Variants in KPNA1 observed in about 807,000 individuals in gnomAD.
KPNA1 encodes importin subunit alpha-5.
KPNA1 carries 10 observed loss-of-function variants against 70.5 expected under a neutral mutation model. The ratio of observed to expected loss-of-function variants is 0.14; its 90% CI spans 0.09 to 0.24. The LOEUF is 0.24. Among genes scored for constraint, KPNA1 ranks in the 10% least tolerant of loss-of-function variants. The pLI is 1.00. For synonymous variants in KPNA1, 192 were observed against 221.9 expected (o/e 0.87, Z 1.20); for missense variants, 397 against 637.9 (o/e 0.62, Z 4.07).
intron 1 of KPNA1, among the ~76,000 whole-genome samples, chr3:122,499,299 CATG>C (rs1219684955): frequency 6.6e-6 from 1 of 152,214 alleles, no homozygotes; most frequent in Non-Finnish European, 1.5e-5. Context: ...TTACATTAAG[CATG>C]ATGTTACCTT....
At chr3:122,491,850 A>ATTTTT (rs67916227) in intron 2 of KPNA1, among the ~76,000 whole-genome samples, 10 of 64,896 alleles carry the variant, frequency 1.5e-4, no homozygotes, top group Admixed American at 2.7e-4. Flanking sequence ...TGACCATCAC[A>ATTTTT]TTTTTTTTTT....
At chr3:122,431,264 C>T (rs1408012409) in intron 12 of KPNA1, among the ~76,000 whole-genome samples, 1 of 152,134 alleles carries the variant, frequency 6.6e-6, no homozygotes, top group Non-Finnish European at 1.5e-5. Flanking sequence ...CTCCTGGGTT[C>T]AAGCCATTTT....
Position 122,426,004 on chromosome 3 carries a change from G to A in KPNA1, c.*981C>T, listed in dbSNP as rs2075818574. 6.6e-6 allele frequency: 1 copy of A among 152,524 alleles called. No homozygotes were observed. The highest frequency in any genetic ancestry group is 1.5e-5 in the Non-Finnish European group (1 of 68,022). The allele number at this position is 152,524 out of a possible 1,614,324, so 9.4% of individuals were successfully genotyped here. The stretch of plus-strand genomic sequence containing the variant: ...AGGGTGAACTCCAATTTTTTAATGA[G>A]GACCTTGATCAGGACCACAAAGCCT... On this transcript the variant is annotated 3_prime_UTR_variant, in exon 14 of 14. Coordinates refer to ENST00000344337, the MANE Select transcript of KPNA1 (RefSeq NM_002264.4).
chr3:122,443,563 T>C (rs982703301), intron 9 of KPNA1, among the ~76,000 whole-genome samples: 4 of 152,130 alleles, frequency 2.6e-5, no homozygotes, highest in African/African-American at 9.7e-5. Flanking sequence ...TATTTCAATG[T>C]AGGTTCTTTT....
At chr3:122,509,732 A>T (rs2076935346) in intron 1 of KPNA1, among the ~76,000 whole-genome samples, 1 of 152,196 alleles carries the variant, frequency 6.6e-6, no homozygotes, top group South Asian at 2.1e-4. Context: ...GGGCTCAGAA[A>T]TTTAAGATAA....
intron 2 of KPNA1, among the ~76,000 whole-genome samples, chr3:122,495,271 A>AAAAAAAAAAAAAG (rs1384074366): frequency 7.3e-5 from 11 of 151,418 alleles, no homozygotes; most frequent in Non-Finnish European, 1.3e-4. Context: ...CCAAAAAAAA[A>AAAAAAAAAAAAAG]AAAAGAAAAG....
At chr3:122,506,023 G>T (rs182792604) in intron 1 of KPNA1, among the ~76,000 whole-genome samples, 8 of 152,232 alleles carry the variant, frequency 5.3e-5, no homozygotes, top group Non-Finnish European at 8.8e-5. Flanking sequence ...AAACTTCTTG[G>T]TCCTGCAAGA....
intron 2 of KPNA1, among the ~76,000 whole-genome samples, chr3:122,491,551 T>C (rs1361199891): frequency 1.3e-5 from 2 of 152,124 alleles, no homozygotes; most frequent in Non-Finnish European, 2.9e-5. Context: ...GCACAAACAC[T>C]GGTTTGATAA....
At chr3:122,510,420 T>G (rs1405593440) in intron 1 of KPNA1, among the ~76,000 whole-genome samples, 1 of 152,046 alleles carries the variant, frequency 6.6e-6, no homozygotes, top group African/African-American at 2.4e-5. Context: ...TCTCAGGAAA[T>G]GAAGCAAACA....
intron 5 of KPNA1, among the ~76,000 whole-genome samples, chr3:122,457,177 T>C (rs956547192): frequency 2.0e-5 from 3 of 152,244 alleles, no homozygotes; most frequent in African/African-American, 7.2e-5. Flanking sequence ...TCATAGTCTG[T>C]ACTTTAAAGC....
chr3:122,484,399 G>A (rs1173480936), intron 2 of KPNA1, among the ~76,000 whole-genome samples: 1 of 152,034 alleles, frequency 6.6e-6, no homozygotes, highest in Non-Finnish European at 1.5e-5. Context: ...AGTGGCTCAC[G>A]CCTGTAATTC....
At chr3:122,439,932 A>T (rs1400262852) in intron 10 of KPNA1, among the ~76,000 whole-genome samples, 1 of 152,182 alleles carries the variant, frequency 6.6e-6, no homozygotes, top group Admixed American at 6.5e-5. Context: ...AAAAATAAAA[A>T]CTTGGAACTT....
chr3:122,473,092 TAA>T (rs1169731677), intron 2 of KPNA1, among the ~76,000 whole-genome samples: 1 of 151,718 alleles, frequency 6.6e-6, no homozygotes, highest in Non-Finnish European at 1.5e-5. Flanking sequence ...AAAATAAAAA[TAA>T]AAAAAGAATA....
chr3:122,481,310 T>C (rs1344524041), intron 2 of KPNA1, among the ~76,000 whole-genome samples: 2 of 152,204 alleles, frequency 1.3e-5, no homozygotes, highest in Non-Finnish European at 2.9e-5. Flanking sequence ...CAAAAAGTGG[T>C]ATATCTGCAC....
At chr3:122,500,986 A>G (rs1409628739) in intron 1 of KPNA1, among the ~76,000 whole-genome samples, 1 of 149,774 alleles carries the variant, frequency 6.7e-6, no homozygotes, top group Non-Finnish European at 1.5e-5. Flanking sequence ...TAAAGTGGAA[A>G]GTTAGGTTAC....
chr3:122,483,870 T>C (rs1036953267), intron 2 of KPNA1, among the ~76,000 whole-genome samples: 16 of 152,202 alleles, frequency 1.1e-4, no homozygotes, highest in African/African-American at 2.9e-4. Context: ...GGATTAGTTT[T>C]TATATCCTAC....
Position 122,437,276 on chromosome 3 carries a change from G to C in KPNA1, c.1016C>G (p.Ala339Gly). Reference sequence around the variant, plus strand: ...CAGCAAATGCAATAAACTCTGCAGAGCTGAGCAATTCAGAATTACCTAAAA... The same window carrying C: ...CAGCAAATGCAATAAACTCTGCAGACCTGAGCAATTCAGAATTACCTAAAA... ...IQTQVILNCSALQSLLHLLSS... is the reference protein window; with the variant it reads ...IQTQVILNCSGLQSLLHLLSS... The change falls in exon 11 of 14, where the codon GCT becomes GGT. Residue 339 changes from alanine to glycine, a missense_variant. Coordinates refer to ENST00000344337, the MANE Select transcript of KPNA1 (RefSeq NM_002264.4). 3 of 1,608,356 alleles carry C rather than the reference G, an allele frequency of 1.9e-6. No individual in the cohort carries two copies. The highest frequency in any genetic ancestry group is 2.5e-6 in the Non-Finnish European group (3 of 1,177,978).
intron 2 of KPNA1, among the ~76,000 whole-genome samples, chr3:122,477,207 G>T (rs2076511943): frequency 6.6e-6 from 1 of 152,158 alleles, no homozygotes; most frequent in South Asian, 2.1e-4. Flanking sequence ...CTTTTATGTG[G>T]AATCTAAAAA....
intron 1 of KPNA1, among the ~76,000 whole-genome samples, chr3:122,500,831 A>G (rs754198923): frequency 2.0e-5 from 3 of 151,832 alleles, no homozygotes; most frequent in Non-Finnish European, 4.4e-5. Flanking sequence ...GTTTTTCTCA[A>G]TCTAGCTAAA....
Sources: allele counts gnomAD v4.1 joint callset (sites outside exome capture counted in the v4.1 genomes callset), GRCh38; gene constraint gnomAD v4.1.1; transcripts MANE v1.5; gene names NCBI Gene and HGNC (gene_info 2026-07-23, HGNC 2026-07-21).